Variants in TFB1M observed in about 807,000 individuals in gnomAD.
TFB1M encodes transcription factor B1, mitochondrial, also known as dimethyladenosine transferase 1, mitochondrial.
TFB1M carries 27 observed loss-of-function variants against 31.1 expected under a neutral mutation model. That is an observed-to-expected ratio of 0.87 (90% CI 0.64 to 1.20). The LOEUF is 1.20. Ranked by LOEUF, TFB1M falls within the 50% of genes most tolerant of loss-of-function variation. The pLI, the probability that TFB1M is intolerant of heterozygous loss-of-function variation, is 0.00. For missense variants in TFB1M, 394 were observed against 418.7 expected, an observed-to-expected ratio of 0.94 and a Z score of 0.51; for synonymous variants, 166 against 151.8, an observed-to-expected ratio of 1.09 and a Z score of -0.69.
chr6:155,296,761 C>T (rs1450018309), intron 4 of TFB1M, among the ~76,000 whole-genome samples, 192 bp downstream of exon 4: 1 of 148,004 alleles, frequency 6.8e-6, no homozygotes, highest in African/African-American at 2.5e-5. Context: ...TTCATGTTTT[C>T]CCAGAAGCCC....
At chr6:155,262,318 C>T (rs1279769854) in intron 5 of TFB1M, among the ~76,000 whole-genome samples, 1 of 152,214 alleles carries the variant, frequency 6.6e-6, no homozygotes, top group Non-Finnish European at 1.5e-5. Flanking sequence ...TTCCCACAAA[C>T]TCTGAACTAT....
chr6:155,245,809 A>G, the TFB1M span: 1 of 978,702 alleles, frequency 1.0e-6, no homozygotes. Context: ...TCTGTATTTA[A>G]CAAGTAGAGA....
chr6:155,265,230 G>T (rs1198475515), intron 5 of TFB1M, among the ~76,000 whole-genome samples: 1 of 152,158 alleles, frequency 6.6e-6, no homozygotes, highest in East Asian at 1.9e-4. Flanking sequence ...CAACTGCCAG[G>T]GTCTGGACCC....
In TFB1M at chr6:155,300,429, A is replaced by C. The variant is rs539197585; in HGVS notation, c.286-1844T>G. 5.9e-5 allele frequency among the ~76,000 whole-genome samples: 9 copies of C among 152,274 alleles called. No individual in the cohort carries two copies. In the South Asian group the frequency reaches 1.9e-3, roughly 32 times the overall value. On this transcript the variant is annotated intron_variant, in intron 2 of 6. Coordinates refer to ENST00000367166, the MANE Select transcript of TFB1M (RefSeq NM_016020.4). ...AATATAACGATTTCAATATACTAAA[A>C]ATTTAAAAAGAGACAGCTCTCTATG...
intron 1 of TFB1M, among the ~76,000 whole-genome samples, chr6:155,312,751 TC>T (rs796181839): frequency 2.0e-4 from 30 of 152,154 alleles, no homozygotes; most frequent in African/African-American, 6.7e-4. Context: ...TGAAACTTAC[TC>T]CTGAAGATAA....
At chr6:155,314,133 G>A (rs533133962) in intron 1 of TFB1M, 163 bp downstream of exon 1, 1 of 1,484,968 alleles carries the variant, frequency 6.7e-7, no homozygotes, top group Admixed American at 2.2e-5. Context: ...TGTCTCCTGG[G>A]CGGTGGGACC....
chr6:155,256,028 G>GGA, downstream of TFB1M: 1 of 190,812 alleles, frequency 5.2e-6, no homozygotes, highest in African/African-American at 2.7e-5. Context: ...AAGGGGGGGG[G>GGA]AGGGGCATTT....
At chr6:155,266,956 G>C (rs1784673146) in intron 5 of TFB1M, among the ~76,000 whole-genome samples, 1 of 145,698 alleles carries the variant, frequency 6.9e-6, no homozygotes, top group Non-Finnish European at 1.5e-5. Context: ...GAGAACTCTA[G>C]AATACTTTGC....
intron 5 of TFB1M, among the ~76,000 whole-genome samples, chr6:155,269,350 C>G (rs1784822134): frequency 8.2e-6 from 1 of 121,350 alleles, no homozygotes; most frequent in Admixed American, 1.1e-4. Flanking sequence ...GAGATGGAGT[C>G]TCGCTCTGTC....
the TFB1M span, among the ~76,000 whole-genome samples, chr6:155,244,984 CTT>C: frequency 6.6e-6 from 1 of 152,014 alleles, no homozygotes; most frequent in Non-Finnish European, 1.5e-5. Flanking sequence ...GGCGCAGGTG[CTT>C]TTGGTAGTCA....
intron 6 of TFB1M, among the ~76,000 whole-genome samples, chr6:155,258,604 C>CTGAT (rs1163965341): frequency 6.6e-6 from 1 of 152,096 alleles, no homozygotes; most frequent in African/African-American, 2.4e-5. Flanking sequence ...ATCTTTAAAA[C>CTGAT]TGATTTGAAG....
At chr6:155,311,126 T>C in intron 2 of TFB1M, 62 bp downstream of exon 2, 3 of 1,579,322 alleles carry the variant, frequency 1.9e-6, no homozygotes, top group Non-Finnish European at 2.6e-6. Context: ...GGTTTAAGCA[T>C]CATGGCATAA....
chr6:155,249,903 G>A, the TFB1M span: 2 of 1,614,148 alleles, frequency 1.2e-6, no homozygotes, highest in Non-Finnish European at 1.7e-6. Flanking sequence ...AGATGCAGAA[G>A]ATCTATGAGG....
rs750051813 is a variant in TFB1M, at chr6:155,314,361, TTAA to T, written c.65_67del (p.Ile22del). The T allele has an allele frequency of 3.1e-6, 5 of 1,614,086 alleles. No individual in the cohort carries two copies. Among genetic ancestry groups the T allele is most frequent in the Non-Finnish European group, 4.2e-6 (5 of 1,180,040 alleles). On this transcript the variant is annotated inframe_deletion, in exon 1 of 7. Transcript: ENST00000367166. Reference sequence around the variant, plus strand: ...CTTCGCTGCTTGCAGTCTTAACAACTTAATGATTTCTCGAATCGTGGGCAACGG... The same window carrying T: ...CTTCGCTGCTTGCAGTCTTAACAACTTGATTTCTCGAATCGTGGGCAACGG...
At chr6:155,298,442 A>G in intron 3 of TFB1M, 35 bp downstream of exon 3, 1 of 1,062,076 alleles carries the variant, frequency 9.4e-7, no homozygotes, top group Non-Finnish European at 1.5e-6. Flanking sequence ...AATAATCATA[A>G]AAGAAATGTT....
intron 2 of TFB1M, among the ~76,000 whole-genome samples, chr6:155,307,272 C>T (rs549649013): frequency 6.6e-6 from 1 of 152,222 alleles, no homozygotes; most frequent in Non-Finnish European, 1.5e-5. Flanking sequence ...TGTATTAGCT[C>T]GTTTTCATGC....
At chr6:155,275,438 C>T (rs1334809774) in intron 5 of TFB1M, among the ~76,000 whole-genome samples, 1 of 152,150 alleles carries the variant, frequency 6.6e-6, no homozygotes, top group African/African-American at 2.4e-5. Flanking sequence ...ATGCATATCA[C>T]TCAGACCAGT....
chr6:155,311,111 C>T, intron 2 of TFB1M, 77 bp downstream of exon 2: 2 of 1,512,334 alleles, frequency 1.3e-6, no homozygotes, highest in Non-Finnish European at 1.8e-6. Flanking sequence ...CTTTGGATAC[C>T]TTGGGGTTTA....
chr6:155,271,841 C>T (rs188277096), intron 5 of TFB1M, among the ~76,000 whole-genome samples: 1 of 152,118 alleles, frequency 6.6e-6, no homozygotes, highest in Non-Finnish European at 1.5e-5. Context: ...CCAAATAATT[C>T]CTCCTCTGTA....
Sources: allele counts gnomAD v4.1 joint callset (sites outside exome capture counted in the v4.1 genomes callset), GRCh38; gene constraint gnomAD v4.1.1; transcripts MANE v1.5; gene names NCBI Gene and HGNC (gene_info 2026-07-23, HGNC 2026-07-21).